RGS12: variants seen among roughly 807,000 people sequenced by gnomAD.
RGS12 encodes regulator of G-protein signaling 12.
Under a neutral mutation model 120.1 loss-of-function variants are expected in RGS12, and 66 were observed. That is an observed-to-expected ratio of 0.55 (90% CI 0.45 to 0.67). The LOEUF is 0.67. RGS12 is among the 30% of genes least tolerant of loss of function. RGS12 has a pLI of 0.00. For synonymous variants in RGS12, 827 were observed against 804.7 expected (o/e 1.03, Z -0.47); for missense variants, 1,859 against 1,957.7 (o/e 0.95, Z 0.95).
chr4:3,439,427 G>C (rs1725124219), intron 17 of RGS12, 28 bp from the exon 18 acceptor site: 1 of 1,611,880 alleles, frequency 6.2e-7, no homozygotes. Flanking sequence ...GGCCAGGCAA[G>C]TGACAGCTTC....
chr4:3,383,665 CT>C (rs776820301), intron 3 of RGS12, among the ~76,000 whole-genome samples: 51 of 152,170 alleles, frequency 3.4e-4, no homozygotes, highest in Non-Finnish European at 6.2e-4. Context: ...AAATTTAAAG[CT>C]GTTTGAAAAG....
rs1325447927 is a variant in RGS12 at position 3,374,451 on chromosome 4, A to G, written c.1999-11965A>G. ...CCCTCCCAGCCTGGCCCTGCAGCAG[A>G]CACTTCTGCCCTGGGCCCCGGTCTC... On this transcript the variant is annotated intron_variant, in intron 3 of 17. Transcript: ENST00000336727. This position sits in a 1 kb window ranked among gnomAD's most constrained non-coding sequence, Gnocchi z 6.3. Among the ~76,000 whole-genome samples the G allele has an allele frequency of 6.6e-6, 1 of 151,922 alleles. No homozygotes were observed. Among genetic ancestry groups the G allele is most frequent in the Non-Finnish European group, 1.5e-5 (1 of 67,970 alleles).
intron 4 of RGS12, chr4:3,407,253 G>T (rs1246930094): frequency 6.6e-6 from 1 of 152,244 alleles, no homozygotes; most frequent in African/African-American, 2.4e-5. Context: ...CAGCTGAGGG[G>T]CTGCTGTGAA....
intron 3 of RGS12, among the ~76,000 whole-genome samples, chr4:3,345,062 CTA>C (rs1193362336): frequency 6.6e-6 from 1 of 152,222 alleles, no homozygotes; most frequent in Non-Finnish European, 1.5e-5. Flanking sequence ...CTGTAGTAAA[CTA>C]TGAATATTCA....
At position 3,414,203 on chromosome 4, in the gene RGS12, C is replaced by T. The variant is rs538697175; in HGVS notation, c.2152C>T (p.Arg718Cys). ...RVASWAVSFE[R>C]LLQDPVGVRY... is the part of the protein sequence containing the mutation. Reference sequence around the variant, plus strand: ...CGCCAGCTGGGCCGTGTCCTTTGAGCGCCTGCTGCAGGACCCCGTCGGTGT... The same window carrying T: ...CGCCAGCTGGGCCGTGTCCTTTGAGTGCCTGCTGCAGGACCCCGTCGGTGT... Residue 718 changes from arginine (R) to cysteine (C), a missense_variant, in exon 5 of 18, where the codon CGC becomes TGC. Arg to Cys is a radical substitution (Grantham distance 180). Around this residue, in one of 3 missense-constraint regions of RGS12, gnomAD observed 967 missense variants for 994.2 expected, o/e 0.97. Transcript: ENST00000336727. The T allele has an allele frequency of 5.2e-6, 8 of 1,549,522 alleles. No individual in the cohort carries two copies. The highest frequency in any genetic ancestry group is 1.4e-5 in the African/African-American group (1 of 73,550).
intron 17 of RGS12, among the ~76,000 whole-genome samples, chr4:3,432,975 GACAGAA>G (rs1724465192): frequency 6.6e-6 from 1 of 152,242 alleles, no homozygotes; most frequent in Non-Finnish European, 1.5e-5. Flanking sequence ...GGGGCGTTGG[GACAGAA>G]ACTGCTCTGT....
At chr4:3,416,411 A>C (rs1380586761) in intron 7 of RGS12, among the ~76,000 whole-genome samples, 2 of 152,154 alleles carry the variant, frequency 1.3e-5, no homozygotes, top group Non-Finnish European at 2.9e-5. Context: ...GTGTGGAATC[A>C]CACCTGCCTG....
Position 3,317,379 on chromosome 4 carries a change from C to A in RGS12, c.1209C>A (p.Arg403=), listed in dbSNP as rs755516321. 1 of 1,613,976 alleles carries A rather than the reference C, an allele frequency of 6.2e-7. No homozygotes were observed. The highest frequency in any genetic ancestry group is 1.7e-5 in the Admixed American group (1 of 60,008). Residue 403 remains arginine, a synonymous_variant, in exon 2 of 18, where the codon CGC becomes CGA. Transcript: ENST00000336727. Reference sequence around the variant, plus strand: ...AGCTGATTGAGGGCATGCGGGCCCGCGCCTTTCTGGACGGGGACGCCGATG... The same window carrying A: ...AGCTGATTGAGGGCATGCGGGCCCGAGCCTTTCTGGACGGGGACGCCGATG... ...MGELIEGMRA[R]AFLDGDADAH...
intron 1 of RGS12, among the ~76,000 whole-genome samples, chr4:3,296,638 C>A (rs191608653): frequency 9.2e-5 from 14 of 152,370 alleles, no homozygotes; most frequent in Admixed American, 6.5e-4. Flanking sequence ...CGCTATTCAG[C>A]CTACAGCAGG....
At chr4:3,387,788 ATTCAT>A (rs1560137000) in intron 4 of RGS12, among the ~76,000 whole-genome samples, 1 of 152,208 alleles carries the variant, frequency 6.6e-6, no homozygotes, top group Non-Finnish European at 1.5e-5. Flanking sequence ...GGCAGAAGAC[ATTCAT>A]TTCTTGCAGG....
intron 3 of RGS12, among the ~76,000 whole-genome samples, chr4:3,367,446 G>A (rs930495454): frequency 8.5e-5 from 13 of 152,248 alleles, no homozygotes; most frequent in African/African-American, 3.1e-4. Context: ...TTGGTGAAGG[G>A]CTGTGCTGGG....
chr4:3,421,212 G>T (rs1001235063), intron 10 of RGS12, among the ~76,000 whole-genome samples: 52 of 152,172 alleles, frequency 3.4e-4, no homozygotes, highest in African/African-American at 1.2e-3. Context: ...CCTGGCCCCA[G>T]TTTCCAGCAG....
chr4:3,331,491 G>A (rs1156336726), intron 2 of RGS12, among the ~76,000 whole-genome samples: 1 of 152,130 alleles, frequency 6.6e-6, no homozygotes, highest in African/African-American at 2.4e-5. Context: ...GAAACAAACT[G>A]TACTTACATG....
chr4:3,400,853 TTAGTAA>T (rs1195155044), intron 4 of RGS12, among the ~76,000 whole-genome samples: 1 of 150,034 alleles, frequency 6.7e-6, no homozygotes, highest in Non-Finnish European at 1.5e-5. Flanking sequence ...AATTATACTA[TTAGTAA>T]TAGTATATAT....
intron 3 of RGS12, among the ~76,000 whole-genome samples, chr4:3,353,607 G>T (rs1714585921): frequency 6.6e-6 from 1 of 152,174 alleles, no homozygotes; most frequent in Admixed American, 6.5e-5. Context: ...TTGAGTTGGG[G>T]GAAGGAGACT....
At chr4:3,335,600 C>T (rs2108750651) in intron 2 of RGS12, among the ~76,000 whole-genome samples, 1 of 152,330 alleles carries the variant, frequency 6.6e-6, no homozygotes, top group Admixed American at 6.5e-5. Flanking sequence ...GTTCCTTCCC[C>T]TCTCAGTTTG....
chr4:3,433,452 T>A lies in RGS12; in HGVS notation c.4114+2497T>A, dbSNP rs1198006329. On this transcript the variant is annotated intron_variant, in intron 17 of 17. Coordinates refer to ENST00000336727, the MANE Select transcript of RGS12 (RefSeq NM_001394154.1). This position sits in a 1 kb window ranked among gnomAD's most constrained non-coding sequence, Gnocchi z 4.4. Reference sequence around the variant, plus strand: ...CTCAGTGCCATGCACTGTGCCACCCTGTCCTAGCCCCAGTGCCACATGCCA... The same window carrying A: ...CTCAGTGCCATGCACTGTGCCACCCAGTCCTAGCCCCAGTGCCACATGCCA... Among the ~76,000 whole-genome samples, 3 of 152,016 alleles carry A rather than the reference T, an allele frequency of 2.0e-5. No individual in the cohort carries two copies. Among genetic ancestry groups the A allele is most frequent in the African/African-American group, 2.4e-5 (1 of 41,354 alleles).
intron 2 of RGS12, among the ~76,000 whole-genome samples, chr4:3,329,086 C>G (rs1236570930): frequency 6.6e-6 from 1 of 152,148 alleles, no homozygotes; most frequent in African/African-American, 2.4e-5. Flanking sequence ...GCACAAAGAC[C>G]GAGCTGCACA....
intron 1 of RGS12, among the ~76,000 whole-genome samples, chr4:3,295,620 A>G (rs1253079226): frequency 6.9e-6 from 1 of 145,574 alleles, no homozygotes; most frequent in Non-Finnish European, 1.5e-5. Flanking sequence ...AGATTGCGCC[A>G]TTGCACTCCA....
Sources: gnomAD v4.1 joint callset for allele counts (sites outside exome capture counted in the v4.1 genomes callset) on GRCh38, gnomAD v4.1.1 for gene constraint, gnomAD v4.1.1 regional missense constraint, Gnocchi (gnomAD v3.1) non-coding constraint, MANE v1.5 for transcripts, NCBI Gene and HGNC (gene_info 2026-07-23, HGNC 2026-07-21) for gene names.